Variants in TRIM2 observed in about 807,000 individuals in gnomAD.
The protein encoded by TRIM2 is tripartite motif-containing protein 2.
TRIM2 carries 20 observed loss-of-function variants against 75.2 expected under a neutral mutation model. The ratio of observed to expected loss-of-function variants is 0.27; its 90% CI spans 0.19 to 0.39. The LOEUF (loss-of-function observed/expected upper bound fraction) is 0.39, where lower values mean the gene tolerates loss of function less well. TRIM2 is among the 10% of genes least tolerant of loss of function. The pLI is 1.00. For synonymous variants in TRIM2, 373 were observed against 388.3 expected (o/e 0.96, Z 0.46); for missense variants, 660 against 990.8 (o/e 0.67, Z 4.48).
chr4:153,239,983 C>T (rs902052981), intron 1 of TRIM2, among the ~76,000 whole-genome samples: 3 of 151,914 alleles, frequency 2.0e-5, no homozygotes, highest in Admixed American at 2.0e-4. Flanking sequence ...TGCATCCACG[C>T]GCCACACGCC....
At chr4:153,284,222 A>G (rs1481918124) in intron 3 of TRIM2, among the ~76,000 whole-genome samples, 1 of 144,608 alleles carries the variant, frequency 6.9e-6, no homozygotes, top group Non-Finnish European at 1.5e-5. Context: ...TTTTTTTTAG[A>G]CAGAGTCTCA....
At chr4:153,281,842 C>A (rs1260782009) in intron 3 of TRIM2, among the ~76,000 whole-genome samples, 1 of 152,176 alleles carries the variant, frequency 6.6e-6, no homozygotes. Flanking sequence ...CCTCATGGTC[C>A]CTGGAACACA....
intron 1 of TRIM2, among the ~76,000 whole-genome samples, chr4:153,177,827 G>A (rs573813137): frequency 1.3e-5 from 2 of 149,252 alleles, no homozygotes; most frequent in Non-Finnish European, 3.0e-5. Flanking sequence ...CCTTGATGGA[G>A]TCTCGATCTT....
intron 1 of TRIM2, among the ~76,000 whole-genome samples, chr4:153,222,084 AG>A (rs1740725022): frequency 1.8e-5 from 1 of 55,502 alleles, no homozygotes. Flanking sequence ...AAAGAGAGAG[AG>A]AGGAAGGGTC....
intron 1 of TRIM2, among the ~76,000 whole-genome samples, chr4:153,155,972 A>G (rs900543683): frequency 8.5e-5 from 13 of 152,222 alleles, no homozygotes; most frequent in Admixed American, 4.6e-4. Context: ...GCCACACTCA[A>G]TGTTCTCCAG....
chr4:153,315,413 T>C, intron 6 of TRIM2, 72 bp from the exon 7 acceptor site: 1 of 1,261,310 alleles, frequency 7.9e-7, no homozygotes, highest in Admixed American at 2.4e-5. Context: ...GAAATCTGAA[T>C]TATTCTCTTG....
chr4:153,288,467 A>C (rs912123861), intron 3 of TRIM2, among the ~76,000 whole-genome samples: 1 of 152,068 alleles, frequency 6.6e-6, no homozygotes, highest in African/African-American at 2.4e-5. Context: ...CTTATGGAAT[A>C]TTTCTTATAC....
rs532425033 is a variant in TRIM2, at chr4:153,303,597, A to G, written c.1510+7561A>G. The stretch of plus-strand genomic sequence containing the variant: ...TTGTGCATGTGGTGAAGCCTGCCAC[A>G]TGTAATCCAGAAATCATTCAAAGCC... On this transcript the variant is annotated intron_variant, in intron 6 of 11. Coordinates refer to ENST00000338700, the MANE Select transcript of TRIM2 (RefSeq NM_015271.5). 5.3e-5 allele frequency among the ~76,000 whole-genome samples: 8 copies of G among 152,342 alleles called. No individual in the cohort carries two copies. The East Asian group carries it at 1.3e-3, about 26-fold the overall frequency.
Position 153,187,878 on chromosome 4 carries a change from C to T in TRIM2, c.-49+34608C>T, listed in dbSNP as rs564984122. Among the ~76,000 whole-genome samples, 413 of 152,318 alleles carry T rather than the reference C, an allele frequency of 2.7e-3. 3 individuals are homozygous for T. The highest frequency in any genetic ancestry group is 4.1e-3 in the South Asian group (20 of 4,826). ...CCTGGAGACAAATGCCAGCTTCAGACGTCCGCCAAGTCCTGAGTGCACAAC... is the reference window on the plus strand; with the variant it reads ...CCTGGAGACAAATGCCAGCTTCAGATGTCCGCCAAGTCCTGAGTGCACAAC... On this transcript the variant is annotated intron_variant, in intron 1 of 11. Coordinates refer to the TRIM2 transcript ENST00000437508.
At position 153,307,672 on chromosome 4, in the gene TRIM2, C is replaced by T; in HGVS notation, c.1511-7813C>T. On this transcript the variant is annotated intron_variant, in intron 6 of 11. Transcript: ENST00000338700. ...AACGTCATCCTCACAGGAACAGCCA[C>T]AGGGACTGCTAGTCACAAGCGGGTT... 1.0e-5 allele frequency: 5 copies of T among 484,942 alleles called. No individual in the cohort carries two copies. In the Middle Eastern group the frequency reaches 1.5e-3, roughly 149 times the overall value. The allele number at this position is 484,942 out of a possible 1,614,324, so 30.0% of individuals were successfully genotyped here.
At chr4:153,259,881 A>C (rs1039596647) in intron 1 of TRIM2, among the ~76,000 whole-genome samples, 2 of 152,248 alleles carry the variant, frequency 1.3e-5, no homozygotes, top group African/African-American at 2.4e-5. Flanking sequence ...GCATCACTGC[A>C]GGAAACAGAT....
rs1560874919 is a variant in TRIM2 at position 153,244,395 on chromosome 4, TC to T, written c.31-25939del. Reference sequence around the variant, plus strand: ...TTCTTCTTCTTCTTCTTCTTCTTCTTCTTCTTCTTCTTCTTCTTCTTCTTCT... The same window carrying T: ...TTCTTCTTCTTCTTCTTCTTCTTCTTTTCTTCTTCTTCTTCTTCTTCTTCT... On this transcript the variant is annotated intron_variant, in intron 1 of 11. Coordinates refer to ENST00000338700, the MANE Select transcript of TRIM2 (RefSeq NM_015271.5). 2.2e-4 allele frequency among the ~76,000 whole-genome samples: 18 copies of T among 83,252 alleles called. 2 individuals are homozygous for T. The highest frequency in any genetic ancestry group is 4.3e-3 in the Middle Eastern group (1 of 232). 54.6% of individuals were successfully genotyped at this position (83,252 alleles called of 152,430 possible).
chr4:153,178,705 A>G (rs72963167), intron 1 of TRIM2, among the ~76,000 whole-genome samples: 281 of 152,352 alleles, frequency 1.8e-3, no homozygotes, highest in African/African-American at 6.3e-3. Context: ...CACAATGCAC[A>G]TTAATACTTT....
intron 8 of TRIM2, among the ~76,000 whole-genome samples, chr4:153,321,289 G>A (rs1254138174): frequency 3.9e-5 from 6 of 152,220 alleles, no homozygotes; most frequent in East Asian, 1.9e-4. Context: ...CTAGAATACC[G>A]TCAGGCACAT....
At chr4:153,206,186 G>T (rs529937812) in intron 1 of TRIM2, among the ~76,000 whole-genome samples, 1 of 152,218 alleles carries the variant, frequency 6.6e-6, no homozygotes, top group African/African-American at 2.4e-5. Flanking sequence ...AGACCCTGAG[G>T]TTTAAGGGCT....
intron 1 of TRIM2, among the ~76,000 whole-genome samples, chr4:153,261,922 G>A (rs1354432487): frequency 2.0e-5 from 3 of 152,198 alleles, no homozygotes; most frequent in African/African-American, 7.2e-5. Flanking sequence ...GGAGATTTGA[G>A]AAAGTGAGCC....
Position 153,274,549 on chromosome 4 carries a change from A to G in TRIM2, c.216-1344A>G, listed in dbSNP as rs141448868. 1.4e-3 allele frequency among the ~76,000 whole-genome samples: 219 copies of G among 152,336 alleles called. 1 individual carries two copies. The highest frequency in any genetic ancestry group is 5.1e-3 in the African/African-American group (211 of 41,584). On this transcript the variant is annotated intron_variant, in intron 2 of 11. Coordinates refer to ENST00000338700, the MANE Select transcript of TRIM2 (RefSeq NM_015271.5). ...GGTCAGTTAATGAGGCTCAAAGGAG[A>G]TGTCTGTGGGAAGAAATATAATTTT...
At chr4:153,176,983 AGAGT>A (rs1485398022) in intron 1 of TRIM2, among the ~76,000 whole-genome samples, 1 of 152,240 alleles carries the variant, frequency 6.6e-6, no homozygotes, top group Non-Finnish European at 1.5e-5. Flanking sequence ...AGCTTAATCA[AGAGT>A]GAGGTTTACT....
intron 1 of TRIM2, among the ~76,000 whole-genome samples, chr4:153,243,911 C>T (rs778425945): frequency 2.6e-5 from 4 of 151,096 alleles, no homozygotes; most frequent in Non-Finnish European, 4.4e-5. Context: ...CTCAACCTCC[C>T]GGGCTCAAGT....
Sources: gnomAD v4.1 joint callset for allele counts (sites outside exome capture counted in the v4.1 genomes callset) on GRCh38, gnomAD v4.1.1 for gene constraint, MANE v1.5 for transcripts, NCBI Gene and HGNC (gene_info 2026-07-23, HGNC 2026-07-21) for gene names.